The following RXFP2 variants were observed in gnomAD, a reference collection of about 807,000 sequenced individuals.
RXFP2 encodes the protein relaxin family peptide receptor 2.
A neutral mutation model predicts 88.6 loss-of-function variants in RXFP2; 68 were observed. The ratio of observed to expected loss-of-function variants is 0.77; its 90% CI spans 0.63 to 0.94. RXFP2 has a LOEUF of 0.94. Among genes scored for constraint, RXFP2 ranks in the 40% least tolerant of loss-of-function variants. The pLI, the probability that RXFP2 is intolerant of heterozygous loss-of-function variation, is 0.00. For missense variants in RXFP2, 791 were observed against 893.9 expected, an observed-to-expected ratio of 0.88 and a Z score of 1.47; for synonymous variants, 329 against 306.8, an observed-to-expected ratio of 1.07 and a Z score of -0.76.
At chr13:31,794,791 T>C (rs1873952918) in intron 16 of RXFP2, among the ~76,000 whole-genome samples, 1 of 152,004 alleles carries the variant, frequency 6.6e-6, no homozygotes, top group Admixed American at 6.5e-5. Context: ...GATGAAGGAC[T>C]GAAGAAACTC....
At position 31,758,382 on chromosome 13, in the gene RXFP2, C is replaced by G. The variant is rs140844142; in HGVS notation, c.219C>G (p.Asn73Lys). Reference protein sequence around the residue: ...FHCDGKDDCGNGADEENCGDT... With the variant: ...FHCDGKDDCGKGADEENCGDT... ...GTGATGGCAAGGATGACTGTGGGAA[C>G]GGGGCGGACGAAGAGAACTGTGGTG... is the stretch of plus-strand genomic sequence containing the variant. The change falls in exon 2 of 18, where the codon AAC becomes AAG. Residue 73 changes from asparagine (N) to lysine (K), a missense_variant. Coordinates refer to ENST00000298386, the MANE Select transcript of RXFP2 (RefSeq NM_130806.5). The G allele has an allele frequency of 1.9e-6, 3 of 1,614,054 alleles. No homozygotes were observed. The highest frequency in any genetic ancestry group is 1.3e-5 in the African/African-American group (1 of 74,998).
intron 3 of RXFP2, among the ~76,000 whole-genome samples, chr13:31,763,222 C>A (rs1304914400): frequency 6.6e-6 from 1 of 151,832 alleles, no homozygotes; most frequent in Non-Finnish European, 1.5e-5. Context: ...GTAGCTGGGA[C>A]CACAGACATG....
chr13:31,739,560 A>G lies in RXFP2; in HGVS notation c.-53A>G, dbSNP rs1871140845. On this transcript the variant is annotated 5_prime_UTR_variant, in exon 1 of 18. Transcript: ENST00000298386. ...GAGGCACTGAACTTACTACATCAGA[A>G]CTCCTGCTGAGGTATAAGAGGATAC... 3.5e-6 allele frequency: 4 copies of G among 1,158,474 alleles called. No homozygotes were observed. In the Admixed American group the frequency reaches 5.1e-5, roughly 15 times the overall value. The allele number at this position is 1,158,474 out of a possible 1,614,324, so 71.8% of individuals were successfully genotyped here.
Position 31,802,394 on chromosome 13 carries a change from C to G in RXFP2, c.2254C>G (p.Pro752Ala), listed in dbSNP as rs780129204. 13 of 1,613,906 alleles carry G rather than the reference C, an allele frequency of 8.1e-6. No homozygotes were observed. The South Asian group carries it at 1.3e-4, about 16-fold the overall frequency. Residue 752 changes from proline (P) to alanine (A), a missense_variant, in exon 18 of 18, where the codon CCA becomes GCA. By Grantham distance (27) the Pro-to-Ala change is conservative. Transcript: ENST00000298386. Reference protein sequence around the residue: ...KITLGDSIMKPVS With the variant: ...KITLGDSIMKAVS ...AACACTTGGAGACAGTATAATGAAACCAGTTTCCTAGCAATCATTTTGGAT... is the reference window on the plus strand; with the variant it reads ...AACACTTGGAGACAGTATAATGAAAGCAGTTTCCTAGCAATCATTTTGGAT...
chr13:31,779,126 CT>C lies in RXFP2; in HGVS notation c.785+560del, dbSNP rs1167145629. Among the ~76,000 whole-genome samples the C allele has an allele frequency of 7.0e-3, 843 of 120,758 alleles. 29 individuals are homozygous for C. Among genetic ancestry groups the C allele is most frequent in the African/African-American group, 0.018 (604 of 32,706 alleles). 79.2% of individuals were successfully genotyped at this position (120,758 alleles called of 152,430 possible). On this transcript the variant is annotated intron_variant, in intron 9 of 17. Coordinates refer to ENST00000298386, the MANE Select transcript of RXFP2 (RefSeq NM_130806.5). Reference sequence around the variant, plus strand: ...ATCACCATATAGTCATTGGGCTTGTCTTTTTTTTTTTTTTTTTGAGATGGAG... The same window carrying C: ...ATCACCATATAGTCATTGGGCTTGTCTTTTTTTTTTTTTTTTGAGATGGAG...
chr13:31,797,052 T>C (rs1408810195), intron 16 of RXFP2, 149 bp from the exon 17 acceptor site: 21 of 680,924 alleles, frequency 3.1e-5, no homozygotes, highest in Non-Finnish European at 5.0e-5. Flanking sequence ...CCAAGATATA[T>C]CATTATGAAT....
At position 31,787,663 on chromosome 13, in the gene RXFP2, A is replaced by C. The variant is rs531004162; in HGVS notation, c.1073+1026A>C. Reference sequence around the variant, plus strand: ...TTTCTTTCTTTCTTTCTTTTGAGACAGAGTCTCGCCCTGTCGCCCAGGCTA... The same window carrying C: ...TTTCTTTCTTTCTTTCTTTTGAGACCGAGTCTCGCCCTGTCGCCCAGGCTA... On this transcript the variant is annotated intron_variant, in intron 13 of 17. Coordinates refer to ENST00000298386, the MANE Select transcript of RXFP2 (RefSeq NM_130806.5). Among the ~76,000 whole-genome samples, 30 of 152,086 alleles carry C rather than the reference A, an allele frequency of 2.0e-4. No individual in the cohort carries two copies. The South Asian group carries it at 6.0e-3, about 31-fold the overall frequency.
chr13:31,766,118 T>G, intron 5 of RXFP2, 91 bp downstream of exon 5: 1 of 726,652 alleles, frequency 1.4e-6, no homozygotes, highest in South Asian at 1.6e-5. Flanking sequence ...TTGTTTGTTA[T>G]CTTTATCATT....
chr13:31,745,021 T>C (rs903884529), intron 1 of RXFP2, among the ~76,000 whole-genome samples: 5 of 151,980 alleles, frequency 3.3e-5, no homozygotes, highest in Admixed American at 2.6e-4. Flanking sequence ...ATACAAAAAA[T>C]TAGCCAGACG....
At chr13:31,790,717 G>A (rs1457868542) in intron 14 of RXFP2, among the ~76,000 whole-genome samples, 1 of 152,238 alleles carries the variant, frequency 6.6e-6, no homozygotes, top group African/African-American at 2.4e-5. Context: ...AGCAAGGTAA[G>A]GGATAGAAGG....
intron 17 of RXFP2, among the ~76,000 whole-genome samples, chr13:31,800,579 A>G (rs1293023396): frequency 6.6e-6 from 1 of 152,162 alleles, no homozygotes; most frequent in Non-Finnish European, 1.5e-5. Flanking sequence ...TTCAAAAACA[A>G]AACAAAACAA....
chr13:31,782,687 G>C lies in RXFP2; in HGVS notation c.869G>C (p.Arg290Thr), dbSNP rs755536820. 15 of 1,611,664 alleles carry C rather than the reference G, an allele frequency of 9.3e-6. No homozygotes were observed. Among genetic ancestry groups the C allele is most frequent in the Non-Finnish European group, 1.2e-5 (14 of 1,177,922 alleles). ...CDSLTVLFLPRNQIGFVPEKT... is the reference protein window; with the variant it reads ...CDSLTVLFLPTNQIGFVPEKT... ...GCCATGTCTTACAGGTTTCTGCCTA[G>C]AAATCAAATTGGTTTTGTTCCAGAG... The change falls in exon 11 of 18, where the codon AGA becomes ACA. Residue 290 changes from arginine (R) to threonine (T), a missense_variant. Physicochemically the swap from Arg to Thr is moderately conservative, Grantham distance 71 (BLOSUM62 -1). Coordinates refer to ENST00000298386, the MANE Select transcript of RXFP2 (RefSeq NM_130806.5).
chr13:31,780,112 C>A (rs185757460), intron 9 of RXFP2, among the ~76,000 whole-genome samples: 10 of 152,352 alleles, frequency 6.6e-5, no homozygotes, highest in Admixed American at 1.3e-4. Context: ...AGGTGAGGAA[C>A]CAGCCTCAGA....
At chr13:31,783,682 G>A (rs1450025098) in intron 11 of RXFP2, among the ~76,000 whole-genome samples, 3 of 152,194 alleles carry the variant, frequency 2.0e-5, no homozygotes, top group Non-Finnish European at 4.4e-5. Flanking sequence ...CTTAAAGGCA[G>A]CTCATTCAGA....
intron 1 of RXFP2, among the ~76,000 whole-genome samples, chr13:31,754,141 T>C (rs1871811067): frequency 6.6e-6 from 1 of 152,230 alleles, no homozygotes; most frequent in African/African-American, 2.4e-5. Flanking sequence ...ACCATCTTGA[T>C]GCCTTTTATT....
intron 9 of RXFP2, among the ~76,000 whole-genome samples, chr13:31,780,344 G>A (rs1873208157): frequency 6.6e-6 from 1 of 151,666 alleles, no homozygotes; most frequent in Admixed American, 6.6e-5. Context: ...TTGCTGTCAA[G>A]TTGGACAATT....
In RXFP2 at chr13:31,775,351, A is replaced by G. The variant is rs776957036; in HGVS notation, c.603A>G (p.Arg201=). 6.2e-7 allele frequency: 1 copy of G among 1,613,758 alleles called. No individual in the cohort carries two copies. The highest frequency in any genetic ancestry group is 2.2e-5 in the East Asian group (1 of 44,854). Residue 201 remains arginine (R), a synonymous_variant, in exon 7 of 18, where the codon AGA becomes AGG. Transcript: ENST00000298386. ...YLNHNCITTL[R]PGIFKDLHQL... is the part of the protein sequence containing the mutation. ...ACCACAACTGCATCACAACCCTCAG[A>G]CCTGGAATATTCAAAGACTTACATC...
In RXFP2 at chr13:31,786,525, C is replaced by T. The variant is rs185317414; in HGVS notation, c.1002-41C>T. On this transcript the variant is annotated intron_variant, in intron 12 of 17. Coordinates refer to ENST00000298386, the MANE Select transcript of RXFP2 (RefSeq NM_130806.5). ...TGAGCTTTCAAAATAATAATACCTT[C>T]AAACTTCTTTTCCTCTCTCATCTAA... The T allele has an allele frequency of 1.2e-5, 18 of 1,527,224 alleles. No homozygotes were observed. In the Admixed American group the frequency reaches 1.9e-4, roughly 16 times the overall value. 94.6% of individuals were successfully genotyped at this position (1,527,224 alleles called of 1,614,324 possible). A position where few individuals can be genotyped will look rare whatever the true frequency, so the allele number is the denominator to read the frequency against.
chr13:31,776,985 T>C (rs1207302298), intron 7 of RXFP2, among the ~76,000 whole-genome samples: 1 of 152,184 alleles, frequency 6.6e-6, no homozygotes, highest in African/African-American at 2.4e-5. Context: ...TGTGATTTCC[T>C]AAAAATTATA....
Sources: gnomAD v4.1 joint callset for allele counts (sites outside exome capture counted in the v4.1 genomes callset) on GRCh38, gnomAD v4.1.1 for gene constraint, MANE v1.5 for transcripts, NCBI Gene and HGNC (gene_info 2026-07-23, HGNC 2026-07-21) for gene names.